KCND2: variants seen among roughly 807,000 people sequenced by gnomAD.
The protein encoded by KCND2 is A-type voltage-gated potassium channel KCND2.
In KCND2, 16 loss-of-function variants were observed where a neutral mutation model predicts 54.4. The observed-to-expected ratio is 0.29, with a 90% CI of 0.20 to 0.45. KCND2 has a LOEUF of 0.45. Among genes scored for constraint, KCND2 ranks in the 20% least tolerant of loss-of-function variants. KCND2 has a pLI of 1.00. For missense variants in KCND2, 486 were observed against 824.2 expected, an observed-to-expected ratio of 0.59 and a Z score of 5.02; for synonymous variants, 317 against 310.7, an observed-to-expected ratio of 1.02 and a Z score of -0.21.
chr7:120,688,501 G>A (rs752801535), intron 1 of KCND2, among the ~76,000 whole-genome samples: 4 of 152,130 alleles, frequency 2.6e-5, no homozygotes, highest in Non-Finnish European at 5.9e-5. Flanking sequence ...TCTGACCTTT[G>A]CCACTCTGCT....
At chr7:120,441,648 G>T (rs187839436) in intron 1 of KCND2, among the ~76,000 whole-genome samples, 11 of 152,174 alleles carry the variant, frequency 7.2e-5, no homozygotes, top group African/African-American at 2.4e-4. Flanking sequence ...TATGTAACAT[G>T]CAGTTAACCT....
chr7:120,578,727 G>A (rs911663820), intron 1 of KCND2, among the ~76,000 whole-genome samples: 7 of 152,122 alleles, frequency 4.6e-5, no homozygotes, highest in South Asian at 2.1e-4. Flanking sequence ...TTAACCTGGC[G>A]TGGTGGTGTG....
At chr7:120,273,061 C>T (rs1265615101), upstream of KCND2, among the ~76,000 whole-genome samples, 3 of 152,046 alleles carry the variant, frequency 2.0e-5, no homozygotes, top group Non-Finnish European at 4.4e-5. Context: ...TGGATGCTCT[C>T]CCTCGGTGAC....
intron 1 of KCND2, among the ~76,000 whole-genome samples, chr7:120,639,250 A>C (rs1016856664): frequency 1.3e-5 from 2 of 152,184 alleles, no homozygotes; most frequent in Non-Finnish European, 2.9e-5. Flanking sequence ...AATGAAAGTG[A>C]AAAAGAATAC....
At chr7:120,528,851 A>T (rs1791809182) in intron 1 of KCND2, among the ~76,000 whole-genome samples, 1 of 152,166 alleles carries the variant, frequency 6.6e-6, no homozygotes, top group South Asian at 2.1e-4. Context: ...TATATAAGAG[A>T]ATAAGGCTAT....
In KCND2 at chr7:120,737,035, TACACACACACAC is replaced by T. The variant is rs768582158; in HGVS notation, c.1278+4000_1278+4011del. Reference sequence around the variant, plus strand: ...ATTCATTAGAATCATCTGGAAAGCTTACACACACACACACACACACACACACACACACACACA... The same window carrying T: ...ATTCATTAGAATCATCTGGAAAGCTTACACACACACACACACACACACACA... On this transcript the variant is annotated intron_variant, in intron 2 of 5. Coordinates refer to ENST00000331113, the MANE Select transcript of KCND2 (RefSeq NM_012281.3). Among the ~76,000 whole-genome samples the T allele has an allele frequency of 6.4e-4, 63 of 98,768 alleles. 1 individual carries two copies. The highest frequency in any genetic ancestry group is 2.6e-3 in the East Asian group (10 of 3,812). The allele number at this position is 98,768 out of a possible 152,430, so 64.8% of individuals were successfully genotyped here.
intron 1 of KCND2, among the ~76,000 whole-genome samples, chr7:120,498,816 C>T (rs1249902024): frequency 6.6e-6 from 1 of 151,716 alleles, no homozygotes; most frequent in Admixed American, 6.6e-5. Flanking sequence ...AAATAAAAGG[C>T]ACTGTGGAAA....
chr7:120,276,900 ATTC>A (rs1401273132), intron 1 of KCND2, among the ~76,000 whole-genome samples: 3 of 152,068 alleles, frequency 2.0e-5, no homozygotes, highest in Admixed American at 6.5e-5. Context: ...TTGTGCTACT[ATTC>A]TTGCATAGGT....
At chr7:120,683,503 C>T (rs541126438) in intron 1 of KCND2, among the ~76,000 whole-genome samples, 1 of 152,220 alleles carries the variant, frequency 6.6e-6, no homozygotes, top group African/African-American at 2.4e-5. Context: ...AATAGACACT[C>T]AAAACCAATG....
chr7:120,331,276 A>G (rs1183960719), intron 1 of KCND2, among the ~76,000 whole-genome samples: 1 of 152,126 alleles, frequency 6.6e-6, no homozygotes, highest in African/African-American at 2.4e-5. Context: ...AAGCAAATTA[A>G]TAACTTTTGG....
chr7:120,305,027 T>A (rs1268122428), intron 1 of KCND2, among the ~76,000 whole-genome samples: 1 of 152,192 alleles, frequency 6.6e-6, no homozygotes, highest in Non-Finnish European at 1.5e-5. Context: ...ACTGATTTAA[T>A]CTTTCATGCT....
intron 1 of KCND2, among the ~76,000 whole-genome samples, chr7:120,439,434 T>C (rs1227216347): frequency 6.6e-6 from 1 of 152,102 alleles, no homozygotes; most frequent in Non-Finnish European, 1.5e-5. Flanking sequence ...TCAACACATA[T>C]ATATGGTATG....
chr7:120,348,433 A>G (rs907594063), intron 1 of KCND2, among the ~76,000 whole-genome samples: 2 of 152,294 alleles, frequency 1.3e-5, no homozygotes, highest in South Asian at 2.1e-4. Flanking sequence ...AATATTGACA[A>G]GACTATCAAT....
At chr7:120,576,259 ATAG>A (rs1204867864) in intron 1 of KCND2, among the ~76,000 whole-genome samples, 5 of 152,216 alleles carry the variant, frequency 3.3e-5, no homozygotes, top group Non-Finnish European at 5.9e-5. Context: ...AATATTACAA[ATAG>A]TACTAACACC....
intron 1 of KCND2, among the ~76,000 whole-genome samples, chr7:120,612,984 G>A (rs948530943): frequency 6.6e-6 from 1 of 151,832 alleles, no homozygotes; most frequent in African/African-American, 2.4e-5. Flanking sequence ...GCTCATTATA[G>A]AATAGTATGT....
chr7:120,301,854 A>G (rs1442266491), intron 1 of KCND2, among the ~76,000 whole-genome samples: 2 of 152,128 alleles, frequency 1.3e-5, no homozygotes, highest in African/African-American at 2.4e-5. Flanking sequence ...CATCACCCCT[A>G]TAATACCTTC....
chr7:120,381,573 A>C (rs1800915837), intron 1 of KCND2, among the ~76,000 whole-genome samples: 1 of 152,114 alleles, frequency 6.6e-6, no homozygotes, highest in Non-Finnish European at 1.5e-5. Flanking sequence ...CATTACATGG[A>C]CAAATAAAAA....
At chr7:120,721,413 T>C (rs945303952) in intron 1 of KCND2, among the ~76,000 whole-genome samples, 2 of 152,200 alleles carry the variant, frequency 1.3e-5, no homozygotes, top group Non-Finnish European at 2.9e-5. Context: ...CCATAAAGTA[T>C]ACTCATTTAA....
At chr7:120,607,453 T>G (rs1238413583) in intron 1 of KCND2, among the ~76,000 whole-genome samples, 1 of 152,182 alleles carries the variant, frequency 6.6e-6, no homozygotes, top group African/African-American at 2.4e-5. Context: ...TTTTATTTTC[T>G]GGTACTACCC....
Sources: allele counts gnomAD v4.1 joint callset (sites outside exome capture counted in the v4.1 genomes callset), GRCh38; gene constraint gnomAD v4.1.1; transcripts MANE v1.5; gene names NCBI Gene and HGNC (gene_info 2026-07-23, HGNC 2026-07-21).